FNIP1: variants seen among roughly 807,000 people sequenced by gnomAD.
The protein encoded by FNIP1 is folliculin-interacting protein 1.
FNIP1 carries 40 observed loss-of-function variants against 124.5 expected under a neutral mutation model. That is an observed-to-expected ratio of 0.32 (90% CI 0.25 to 0.42). The LOEUF is 0.42. Among genes scored for constraint, FNIP1 ranks in the 10% least tolerant of loss-of-function variants. The pLI, the probability that FNIP1 is intolerant of heterozygous loss-of-function variation, is 1.00. For synonymous variants in FNIP1, 472 were observed against 470.6 expected (o/e 1.00, Z -0.04); for missense variants, 1,176 against 1,403.7 (o/e 0.84, Z 2.59).
chr5:131,689,502 T>C (rs967441503), intron 11 of FNIP1, among the ~76,000 whole-genome samples: 2 of 152,182 alleles, frequency 1.3e-5, no homozygotes, highest in Non-Finnish European at 2.9e-5. Context: ...GAAAATTAAA[T>C]TGAATGACAG....
intron 1 of FNIP1, among the ~76,000 whole-genome samples, chr5:131,793,122 C>G (rs73254099): frequency 0.018 from 2,676 of 152,246 alleles, 63 homozygotes; most frequent in African/African-American, 0.059. Flanking sequence ...CAGCCTTAAC[C>G]TCCCAGGCTA....
intron 1 of FNIP1, among the ~76,000 whole-genome samples, chr5:131,750,263 TAAC>T (rs1321224282): frequency 3.3e-5 from 5 of 151,554 alleles, no homozygotes; most frequent in Non-Finnish European, 7.4e-5. Flanking sequence ...GGGACAACAA[TAAC>T]AAAAGAAAAT....
intron 2 of FNIP1, 48 bp from the exon 3 acceptor site, chr5:131,731,086 T>C (rs1055639791): frequency 3.3e-6 from 5 of 1,537,562 alleles, no homozygotes; most frequent in African/African-American, 2.8e-5. Flanking sequence ...TTTTTAACCA[T>C]ATACAAATTT....
chr5:131,728,070 T>C (rs1275221569), intron 3 of FNIP1, among the ~76,000 whole-genome samples: 2 of 152,218 alleles, frequency 1.3e-5, no homozygotes, highest in Admixed American at 6.5e-5. Flanking sequence ...GGACTTTCCT[T>C]TGTGTATAAC....
chr5:131,713,680 C>T (rs1334039454), intron 6 of FNIP1, among the ~76,000 whole-genome samples: 2 of 152,190 alleles, frequency 1.3e-5, no homozygotes, highest in African/African-American at 4.8e-5. Context: ...TCTTCTATTT[C>T]CCTTAGTGAA....
At chr5:131,788,975 C>T (rs143410812) in intron 1 of FNIP1, among the ~76,000 whole-genome samples, 94 of 152,192 alleles carry the variant, frequency 6.2e-4, no homozygotes, top group Non-Finnish European at 1.1e-3. Context: ...CTCATATTTA[C>T]GGCAACAGTA....
intron 1 of FNIP1, among the ~76,000 whole-genome samples, chr5:131,747,911 G>A (rs1004576284): frequency 6.6e-6 from 1 of 151,978 alleles, no homozygotes; most frequent in Admixed American, 6.6e-5. Flanking sequence ...GTAGAGAACA[G>A]GATATAGAGC....
chr5:131,677,880 C>T lies in FNIP1; in HGVS notation c.1350-8G>A. 2 of 1,611,254 alleles carry T rather than the reference C, an allele frequency of 1.2e-6. No individual in the cohort carries two copies. ...ATGAGAGCTGGCAAGAATCTGAAAA[C>T]AAAATACATCTGATCAGATTCCAAT... On this transcript the variant is annotated splice_region_variant and splice_polypyrimidine_tract_variant and intron_variant, in intron 12 of 17. Transcript: ENST00000510461.
chr5:131,758,857 G>A (rs1214736619), intron 1 of FNIP1, among the ~76,000 whole-genome samples: 3 of 152,038 alleles, frequency 2.0e-5, no homozygotes, highest in Non-Finnish European at 2.9e-5. Flanking sequence ...TCACTTCCAA[G>A]AGGGCAAACT....
intron 14 of FNIP1, 46 bp from the exon 15 acceptor site, chr5:131,670,677 T>C (rs1481232843): frequency 2.9e-6 from 4 of 1,383,366 alleles, no homozygotes; most frequent in Non-Finnish European, 3.9e-6. Context: ...GTAATAAATA[T>C]ATTTAACCAG....
At chr5:131,652,043 T>C in intron 15 of FNIP1, 44 bp from the exon 16 acceptor site, 2 of 1,560,712 alleles carry the variant, frequency 1.3e-6, no homozygotes, top group Non-Finnish European at 1.7e-6. Context: ...GCAAATGAAG[T>C]TTCCAAAGAT....
intron 6 of FNIP1, among the ~76,000 whole-genome samples, chr5:131,715,187 A>G (rs1362254417): frequency 6.6e-6 from 1 of 152,216 alleles, no homozygotes; most frequent in Admixed American, 6.5e-5. Flanking sequence ...TTGTGTTGTT[A>G]AAATGAATTC....
In FNIP1 at chr5:131,703,822, C is replaced by T. The variant is rs146670370; in HGVS notation, c.1116+243G>A. On this transcript the variant is annotated intron_variant, in intron 10 of 17. Coordinates refer to ENST00000510461, the MANE Select transcript of FNIP1 (RefSeq NM_133372.3). ...TATCACTTCTCTTTAGTTGGTAGAA[C>T]GGTGTCTACCACATTTTAGTCCCTC... Among the ~76,000 whole-genome samples the T allele has an allele frequency of 1.8e-3, 278 of 152,242 alleles. 2 individuals are homozygous for T. The highest frequency in any genetic ancestry group is 3.1e-3 in the Non-Finnish European group (209 of 68,016).
At chr5:131,744,004 T>C (rs565363200) in intron 2 of FNIP1, among the ~76,000 whole-genome samples, 1 of 152,070 alleles carries the variant, frequency 6.6e-6, no homozygotes, top group African/African-American at 2.4e-5. Flanking sequence ...ATGAGACTAA[T>C]GAAGCATCGT....
chr5:131,748,306 T>C (rs904364574), intron 1 of FNIP1, among the ~76,000 whole-genome samples: 3 of 152,182 alleles, frequency 2.0e-5, no homozygotes, highest in Non-Finnish European at 4.4e-5. Context: ...CGCACATGTC[T>C]GTGGTGATGC....
At chr5:131,670,687 G>GAAA in intron 14 of FNIP1, 56 bp from the exon 15 acceptor site, 1 of 1,164,644 alleles carries the variant, frequency 8.6e-7, no homozygotes, top group African/African-American at 1.7e-5. Flanking sequence ...TATTTAACCA[G>GAAA]TAAAAAAAAA....
Position 131,719,317 on chromosome 5 carries a change from C to T in FNIP1, c.455G>A (p.Arg152His). The T allele has an allele frequency of 2.5e-6, 4 of 1,598,116 alleles. No individual in the cohort carries two copies. Among genetic ancestry groups the T allele is most frequent in the South Asian group, 1.1e-5 (1 of 87,380 alleles). The change falls in exon 4 of 18, where the codon CGT becomes CAT. Residue 152 changes from arginine (R) to histidine (H), a missense_variant and splice_region_variant. Arg to His is a conservative substitution (Grantham distance 29). This residue lies in a region of FNIP1 where 1,109 missense variants were observed against 1,288.5 expected (regional missense o/e 0.86). Transcript: ENST00000510461. ...AAAAAAAAATCAGAAAACCTCTCAC[C>T]GAATCTGATGAATTTTTAAGGTGGA... ...KGSTLKIHQI[R>H]SPPQLMLSKV... is the part of the protein sequence containing the mutation.
intron 2 of FNIP1, among the ~76,000 whole-genome samples, chr5:131,737,652 G>A (rs1770359007): frequency 6.6e-6 from 1 of 152,034 alleles, no homozygotes; most frequent in South Asian, 2.1e-4. Context: ...GAATAATAAT[G>A]GTAGTACTCT....
chr5:131,676,013 C>T (rs1767900479), intron 13 of FNIP1, among the ~76,000 whole-genome samples: 1 of 151,700 alleles, frequency 6.6e-6, no homozygotes, highest in East Asian at 1.9e-4. Context: ...CGCCTGCCAC[C>T]ACGCCCAGCT....
Sources: gnomAD v4.1 joint callset for allele counts (sites outside exome capture counted in the v4.1 genomes callset) on GRCh38, gnomAD v4.1.1 for gene constraint, gnomAD v4.1.1 regional missense constraint, MANE v1.5 for transcripts, NCBI Gene and HGNC (gene_info 2026-07-23, HGNC 2026-07-21) for gene names.